GREB1: variants seen among roughly 807,000 people sequenced by gnomAD.
GREB1 encodes the protein growth regulating estrogen receptor binding 1.
In GREB1, 106 loss-of-function variants were observed where a neutral mutation model predicts 200.7. That is an observed-to-expected ratio of 0.53 (90% CI 0.45 to 0.62). The LOEUF (loss-of-function observed/expected upper bound fraction) is 0.62. Among genes scored for constraint, GREB1 ranks in the 20% least tolerant of loss-of-function variants. The probability of loss-of-function intolerance (pLI) is 0.00; values close to 1 mark genes in which losing one functional copy is unlikely to be tolerated. For missense variants in GREB1, 2,243 were observed against 2,556.8 expected, an observed-to-expected ratio of 0.88 and a Z score of 2.65; for synonymous variants, 1,132 against 1,092.4, an observed-to-expected ratio of 1.04 and a Z score of -0.72.
At chr2:11,619,139 G>T (rs547966800) in intron 22 of GREB1, among the ~76,000 whole-genome samples, 1 of 152,176 alleles carries the variant, frequency 6.6e-6, no homozygotes, top group Non-Finnish European at 1.5e-5. Context: ...TGTGATGTAG[G>T]GGGCGGACAG....
chr2:11,507,892 T>C (rs959401036), intron 1 of GREB1, among the ~76,000 whole-genome samples: 2 of 152,218 alleles, frequency 1.3e-5, no homozygotes, highest in African/African-American at 4.8e-5. Context: ...TCCTGAGTTA[T>C]TTTAACTGAG....
At chr2:11,496,525 C>A (rs576996024) in intron 1 of GREB1, among the ~76,000 whole-genome samples, 1 of 151,214 alleles carries the variant, frequency 6.6e-6, no homozygotes, top group East Asian at 2.0e-4. Flanking sequence ...GCCCGCCCCC[C>A]CGTCACATGT....
At chr2:11,585,099 G>C (rs749755075) in intron 7 of GREB1, 62 bp from the exon 8 acceptor site, 5 of 848,016 alleles carry the variant, frequency 5.9e-6, no homozygotes, top group Non-Finnish European at 7.0e-6. Flanking sequence ...CCAAACCAAG[G>C]GTAAATTTTA....
rs181796946 is a variant in GREB1, at chr2:11,545,920, G to A, written c.-161-10534G>A. 9.8e-3 allele frequency among the ~76,000 whole-genome samples: 1,495 copies of A among 152,322 alleles called. 32 individuals carry two copies. Among genetic ancestry groups the A allele is most frequent in the African/African-American group, 0.034 (1,414 of 41,570 alleles). On this transcript the variant is annotated intron_variant, in intron 1 of 32. Transcript: ENST00000381486. The stretch of plus-strand genomic sequence containing the variant: ...TAGCCGGGCGCGGTGGCTCACGCCC[G>A]TAATCCCAGCACTTTGGGAGGCTGA...
chr2:11,633,991 G>GC lies in GREB1; in HGVS notation c.4992-137dup, dbSNP rs1167460804. On this transcript the variant is annotated intron_variant, in intron 28 of 32. Transcript: ENST00000381486. The surrounding 1 kb of genome is among the most constrained non-coding windows in gnomAD (Gnocchi z 4.1). ...TGGGAAGCGCCCAGCAGGGTGCCTG[G>GC]CCCTGGGGGGACTGTGCGGGGCACC... The GC allele has an allele frequency of 3.9e-6, 3 of 760,024 alleles. No homozygotes were observed. The East Asian group carries it at 7.6e-5, about 19-fold the overall frequency. The allele number at this position is 760,024 out of a possible 1,614,324, so 47.1% of individuals were successfully genotyped here.
intron 17 of GREB1, among the ~76,000 whole-genome samples, chr2:11,606,756 T>TTA (rs1225643122): frequency 1.4e-4 from 15 of 106,448 alleles, no homozygotes; most frequent in African/African-American, 4.9e-4. Context: ...TGATTTTAGT[T>TTA]TCATTATTAT....
intron 2 of GREB1, among the ~76,000 whole-genome samples, chr2:11,557,449 G>A (rs988115472): frequency 1.3e-5 from 2 of 152,214 alleles, no homozygotes; most frequent in Admixed American, 6.5e-5. Context: ...AGTTATTGAA[G>A]TGAAAAGGGG....
chr2:11,494,270 A>T (rs1456862038), intron 1 of GREB1, among the ~76,000 whole-genome samples: 1 of 152,236 alleles, frequency 6.6e-6, no homozygotes, highest in Non-Finnish European at 1.5e-5. Context: ...ACTTGTCACC[A>T]CAGAGACTCA....
Position 11,627,051 on chromosome 2 carries a change from TA to T in GREB1, c.4397del (p.Tyr1466SerfsTer34), listed in dbSNP as rs1225907124. The T allele has an allele frequency of 6.2e-7, 1 of 1,613,858 alleles. No individual in the cohort carries two copies. Among genetic ancestry groups the T allele is most frequent in the Non-Finnish European group, 8.5e-7 (1 of 1,179,826 alleles). On this transcript the variant is annotated frameshift_variant, in exon 25 of 33. Coordinates refer to ENST00000381486, the MANE Select transcript of GREB1 (RefSeq NM_014668.4). LOFTEE classifies it high-confidence loss of function. Reference sequence around the variant, plus strand: ...GTCCAAGTACGCAGCGTACAACACTTACCACCACTGTGAGCAGTGCCACCAG... The same window carrying T: ...GTCCAAGTACGCAGCGTACAACACTTCCACCACTGTGAGCAGTGCCACCAG... Reference protein sequence around the residue: ...RLSKYAAYNTYHHCEQCHQYM... With the variant: ...RLSKYAAYNTXHHCEQCHQYM...
At position 11,640,600 on chromosome 2, in the gene GREB1, C is replaced by T. The variant is rs745916080; in HGVS notation, c.*146C>T. On this transcript the variant is annotated 3_prime_UTR_variant, in exon 33 of 33. Transcript: ENST00000381486. The surrounding 1 kb of genome is among the most constrained non-coding windows in gnomAD (Gnocchi z 4.6). ...TGCAGCCCCTCCTAGTACACATGGG[C>T]CCCCGAGGCCGTGGTCCTGGGAGCC... is the stretch of plus-strand genomic sequence containing the variant. 18 of 862,364 alleles carry T rather than the reference C, an allele frequency of 2.1e-5. No individual in the cohort carries two copies. Among genetic ancestry groups the T allele is most frequent in the Non-Finnish European group, 3.2e-5 (18 of 559,754 alleles). 53.4% of individuals were successfully genotyped at this position (862,364 alleles called of 1,614,324 possible).
chr2:11,610,823 C>T lies in GREB1; in HGVS notation c.2802C>T (p.Asn934=), dbSNP rs773386477. Residue 934 remains asparagine (N), a synonymous_variant, in exon 18 of 33, where the codon AAC becomes AAT. Coordinates refer to ENST00000381486, the MANE Select transcript of GREB1 (RefSeq NM_014668.4). ...TSVETLEITQ[N]LLNSPKQCPC... ...TGGAGACGCTGGAGATCACGCAGAA[C>T]CTCCTCAACTCCCCGAAGCAGTGCC... The T allele has an allele frequency of 6.2e-7, 1 of 1,613,354 alleles. No homozygotes were observed. Among genetic ancestry groups the T allele is most frequent in the Non-Finnish European group, 8.5e-7 (1 of 1,179,972 alleles).
chr2:11,629,831 T>G lies in GREB1; in HGVS notation c.4450-117T>G. On this transcript the variant is annotated intron_variant, in intron 25 of 32. Coordinates refer to ENST00000381486, the MANE Select transcript of GREB1 (RefSeq NM_014668.4). This position sits in a 1 kb window ranked among gnomAD's most constrained non-coding sequence, Gnocchi z 5.2. ...CTGGAGTCACCCCGTGGGTTTCTTG[T>G]GCTGTAGGGAAGTGGTGACTGTGAG... The G allele has an allele frequency of 9.8e-7, 1 of 1,017,586 alleles. No homozygotes were observed. Among genetic ancestry groups the G allele is most frequent in the Non-Finnish European group, 1.5e-6 (1 of 677,956 alleles). The allele number at this position is 1,017,586 out of a possible 1,614,324, so 63.0% of individuals were successfully genotyped here.
intron 3 of GREB1, 79 bp downstream of exon 3, chr2:11,562,661 G>T: frequency 1.4e-6 from 2 of 1,454,260 alleles, no homozygotes; most frequent in South Asian, 2.7e-5. Flanking sequence ...GACTGGGCCT[G>T]TGACTGTGTG....
At chr2:11,553,129 A>G (rs1171898901) in intron 1 of GREB1, among the ~76,000 whole-genome samples, 1 of 151,776 alleles carries the variant, frequency 6.6e-6, no homozygotes, top group East Asian at 1.9e-4. Context: ...AGGGAGTGGT[A>G]TTTATTTTTT....
intron 1 of GREB1, among the ~76,000 whole-genome samples, chr2:11,508,075 C>T (rs997705675): frequency 1.3e-5 from 2 of 152,176 alleles, no homozygotes; most frequent in East Asian, 1.9e-4. Flanking sequence ...TAGTCCATTT[C>T]GCCTATGGTA....
At chr2:11,522,076 C>T (rs1673723241) in intron 1 of GREB1, among the ~76,000 whole-genome samples, 1 of 152,186 alleles carries the variant, frequency 6.6e-6, no homozygotes. Flanking sequence ...GATCATCCCC[C>T]AGGGGCATCT....
chr2:11,568,253 T>A (rs985451210), intron 4 of GREB1, among the ~76,000 whole-genome samples: 2 of 152,144 alleles, frequency 1.3e-5, no homozygotes, highest in African/African-American at 4.8e-5. Flanking sequence ...CTGAGCACAC[T>A]GTATGTCTGA....
At chr2:11,578,743 T>C (rs1308717974) in intron 6 of GREB1, among the ~76,000 whole-genome samples, 2 of 152,094 alleles carry the variant, frequency 1.3e-5, no homozygotes, top group African/African-American at 4.8e-5. Flanking sequence ...GTAAAGATGC[T>C]GAGTCAGGGT....
At chr2:11,579,080 G>A (rs565730631) in intron 6 of GREB1, among the ~76,000 whole-genome samples, 28 of 152,362 alleles carry the variant, frequency 1.8e-4, no homozygotes, top group Admixed American at 3.9e-4. Context: ...GACGCAGGAA[G>A]GTCGCTGGTT....
Sources: allele counts gnomAD v4.1 joint callset (sites outside exome capture counted in the v4.1 genomes callset), GRCh38; gene constraint gnomAD v4.1.1; non-coding constraint Gnocchi (gnomAD v3.1); transcripts MANE v1.5; gene names NCBI Gene and HGNC (gene_info 2026-07-23, HGNC 2026-07-21).